Variants in CEP112 observed in about 807,000 individuals in gnomAD.
The protein encoded by CEP112 is centrosomal protein 112.
A neutral mutation model predicts 153.0 loss-of-function variants in CEP112; 127 were observed. The ratio of observed to expected loss-of-function variants is 0.83; its 90% CI spans 0.72 to 0.96. The LOEUF is 0.96. Ranked by LOEUF, CEP112 falls within the 40% of genes least tolerant of loss-of-function variation. The pLI is 0.00. For missense variants in CEP112, 1,089 were observed against 1,101.2 expected, an observed-to-expected ratio of 0.99 and a Z score of 0.16; for synonymous variants, 358 against 374.4, an observed-to-expected ratio of 0.96 and a Z score of 0.51.
intron 21 of CEP112, among the ~76,000 whole-genome samples, chr17:65,846,482 T>A (rs1039665694): frequency 6.6e-6 from 1 of 152,282 alleles, no homozygotes; most frequent in East Asian, 1.9e-4. Context: ...AGATCAAATG[T>A]GGATAAATCA....
chr17:65,700,818 G>A (rs868713173), intron 23 of CEP112, among the ~76,000 whole-genome samples: 4 of 152,136 alleles, frequency 2.6e-5, no homozygotes, highest in Admixed American at 2.6e-4. Flanking sequence ...CAAGACATGG[G>A]TGAATCTATG....
intron 4 of CEP112, among the ~76,000 whole-genome samples, chr17:66,135,889 G>A (rs998529401): frequency 1.4e-4 from 22 of 152,056 alleles, no homozygotes; most frequent in African/African-American, 5.1e-4. Flanking sequence ...CCTAAAGGAA[G>A]ACCAATCAAA....
intron 23 of CEP112, among the ~76,000 whole-genome samples, chr17:65,723,890 G>A (rs1228445349): frequency 1.3e-5 from 2 of 152,212 alleles, no homozygotes; most frequent in Non-Finnish European, 2.9e-5. Context: ...AGGGTGAGAT[G>A]CAAATCATCT....
chr17:66,145,929 A>G (rs948859569), intron 4 of CEP112, among the ~76,000 whole-genome samples: 2 of 152,042 alleles, frequency 1.3e-5, no homozygotes, highest in African/African-American at 4.8e-5. Context: ...TTATATTTCT[A>G]AAACTATGAT....
chr17:65,992,711 TTGAGA>T (rs1269468095), intron 17 of CEP112, among the ~76,000 whole-genome samples: 1 of 152,224 alleles, frequency 6.6e-6, no homozygotes, highest in Non-Finnish European at 1.5e-5. Flanking sequence ...TATTAATTCC[TTGAGA>T]TATTTTTCAC....
intron 21 of CEP112, among the ~76,000 whole-genome samples, chr17:65,765,171 T>C (rs1032493966): frequency 2.9e-5 from 4 of 136,750 alleles, no homozygotes; most frequent in African/African-American, 1.1e-4. Flanking sequence ...TACCTATCTC[T>C]GTTGAATTTC....
intron 24 of CEP112, among the ~76,000 whole-genome samples, chr17:65,641,528 T>G (rs1190364825): frequency 6.6e-6 from 1 of 152,108 alleles, no homozygotes; most frequent in Non-Finnish European, 1.5e-5. Context: ...TTTGGGAGGC[T>G]GAGGTGGGCA....
chr17:66,162,021 G>C (rs1455680228), intron 4 of CEP112, among the ~76,000 whole-genome samples: 1 of 151,996 alleles, frequency 6.6e-6, no homozygotes, highest in Non-Finnish European at 1.5e-5. Context: ...AATGGACCAA[G>C]ACACAAGTGA....
chr17:65,972,320 T>C (rs966471674), intron 17 of CEP112, among the ~76,000 whole-genome samples: 13 of 152,076 alleles, frequency 8.5e-5, no homozygotes, highest in African/African-American at 2.9e-4. Context: ...AAAAATAAAA[T>C]GAGAAATTAG....
At chr17:66,115,323 T>G (rs2069240384) in intron 6 of CEP112, among the ~76,000 whole-genome samples, 1 of 152,204 alleles carries the variant, frequency 6.6e-6, no homozygotes, top group Non-Finnish European at 1.5e-5. Flanking sequence ...TGGCAATATC[T>G]ATCATATCAG....
chr17:66,058,212 C>A (rs1237877153), intron 11 of CEP112, among the ~76,000 whole-genome samples: 1 of 152,048 alleles, frequency 6.6e-6, no homozygotes, highest in African/African-American at 2.4e-5. Flanking sequence ...TTGTAAGTGG[C>A]AGAAGCCTCT....
intron 8 of CEP112, among the ~76,000 whole-genome samples, chr17:66,092,036 T>C (rs2068151388): frequency 7.0e-6 from 1 of 142,802 alleles, no homozygotes; most frequent in African/African-American, 2.5e-5. Context: ...CATTAATTTA[T>C]GTATTTACTT....
At chr17:65,676,554 G>A (rs975543633) in intron 24 of CEP112, among the ~76,000 whole-genome samples, 2 of 152,148 alleles carry the variant, frequency 1.3e-5, no homozygotes, top group Non-Finnish European at 2.9e-5. Flanking sequence ...ATAGAAATCA[G>A]AAGAACCTAC....
At chr17:65,992,322 A>G (rs1316184873) in intron 17 of CEP112, among the ~76,000 whole-genome samples, 1 of 152,182 alleles carries the variant, frequency 6.6e-6, no homozygotes, top group African/African-American at 2.4e-5. Context: ...TAAAAATATA[A>G]CTTCTTTAAA....
chr17:65,934,712 A>C (rs1279370354), intron 18 of CEP112, among the ~76,000 whole-genome samples: 1 of 152,264 alleles, frequency 6.6e-6, no homozygotes, highest in Non-Finnish European at 1.5e-5. Context: ...ATGCAAATAG[A>C]AATGAAAAGA....
intron 23 of CEP112, among the ~76,000 whole-genome samples, chr17:65,713,338 T>C (rs2049305687): frequency 6.6e-6 from 1 of 152,190 alleles, no homozygotes; most frequent in Admixed American, 6.5e-5. Context: ...CTGCACAGGA[T>C]ACAAATTATA....
At chr17:65,979,218 TTTTG>T (rs71361250) in intron 17 of CEP112, among the ~76,000 whole-genome samples, 78,047 of 150,384 alleles carry the variant, frequency 0.52, 21,153 homozygotes, top group African/African-American at 0.6. Context: ...GTTTTAGGCA[TTTTG>T]TTTATTTTTA....
At chr17:65,940,444 C>T (rs1049368396) in intron 18 of CEP112, among the ~76,000 whole-genome samples, 1 of 152,120 alleles carries the variant, frequency 6.6e-6, no homozygotes, top group Non-Finnish European at 1.5e-5. Context: ...CTCCCATGTT[C>T]ATTGCAGCAT....
chr17:65,699,396 C>T (rs896484640), intron 23 of CEP112, among the ~76,000 whole-genome samples: 2 of 152,090 alleles, frequency 1.3e-5, no homozygotes, highest in African/African-American at 4.8e-5. Flanking sequence ...CATTCTGTCC[C>T]TAGAGAAAAA....
Sources: allele counts gnomAD v4.1 joint callset (sites outside exome capture counted in the v4.1 genomes callset), GRCh38; gene constraint gnomAD v4.1.1; transcripts MANE v1.5; gene names NCBI Gene and HGNC (gene_info 2026-07-23, HGNC 2026-07-21).